Variants in PER2 observed in about 807,000 individuals in gnomAD.
The protein encoded by PER2 is period circadian regulator 2, also known as period circadian protein homolog 2.
In PER2, 66 loss-of-function variants were observed where a neutral mutation model predicts 121.0. That is an observed-to-expected ratio of 0.55 (90% confidence interval 0.45 to 0.67). The LOEUF (loss-of-function observed/expected upper bound fraction) is 0.67, where lower values mean the gene tolerates loss of function less well. PER2 is among the 30% of genes least tolerant of loss of function. The pLI, the probability that PER2 is intolerant of heterozygous loss-of-function variation, is 0.00. For missense variants in PER2, 1,521 were observed against 1,635.0 expected (o/e 0.93, Z 1.20); for synonymous variants, 684 against 659.9 (o/e 1.04, Z -0.56).
chr2:238,250,630 AC>A lies in PER2; in HGVS notation c.3387del (p.Lys1129AsnfsTer11). On this transcript the variant is annotated frameshift_variant, in exon 21 of 23. Coordinates refer to ENST00000254657, the MANE Select transcript of PER2 (RefSeq NM_022817.3). LOFTEE classifies it high-confidence loss of function. ...AGCCAGATGGGATCCTGCAGGACGC[AC>A]TTAATGAAATGCTCACTTTCTTCCA... ...TGMEESEHFI[K>X]CVLQDPIWLL... The A allele has an allele frequency of 6.2e-7, 1 of 1,613,938 alleles. No individual in the cohort carries two copies. Among genetic ancestry groups the A allele is most frequent in the Non-Finnish European group, 8.5e-7 (1 of 1,179,746 alleles).
At chr2:238,291,867 T>G (rs1696956392), upstream of PER2, among the ~76,000 whole-genome samples, 1 of 152,212 alleles carries the variant, frequency 6.6e-6, no homozygotes, top group South Asian at 2.1e-4. Context: ...TGCCTGTCCC[T>G]GGACATGAGG....
Position 238,265,532 on chromosome 2 carries a change from C to T in PER2, c.1026G>A (p.Leu342=). The change falls in exon 9 of 23, where the codon TTG becomes TTA. Residue 342 remains leucine (L), a synonymous_variant. Coordinates refer to ENST00000254657, the MANE Select transcript of PER2 (RefSeq NM_022817.3). The part of the protein sequence containing the change: ...IFTTTHTPNC[L]FQDVDERAVP... Reference sequence around the variant, plus strand: ...CGTACCTTTCATCCACATCCTGGAACAAACAATTTGGTGTATGGGTGGTTG... The same window carrying T: ...CGTACCTTTCATCCACATCCTGGAATAAACAATTTGGTGTATGGGTGGTTG... The T allele has an allele frequency of 6.2e-7, 1 of 1,611,288 alleles. No individual in the cohort carries two copies. Among genetic ancestry groups the T allele is most frequent in the Non-Finnish European group, 8.5e-7 (1 of 1,177,424 alleles).
Position 238,257,021 on chromosome 2 carries a change from G to A in PER2, c.1966C>T (p.Leu656=), listed in dbSNP as rs1159456502. The A allele has an allele frequency of 6.2e-7, 1 of 1,613,570 alleles. No individual in the cohort carries two copies. The highest frequency in any genetic ancestry group is 8.5e-7 in the Non-Finnish European group (1 of 1,179,854). ...GCCACACTCTCTGCCTTGCCCGGCA[G>A]TGCCAGCGAGGTCAGGTGCGTACCT... ...GVGTHLTSLA[L]PGKAESVASL... The change falls in exon 17 of 23, where the codon CTG becomes TTG. Residue 656 remains leucine (L), a synonymous_variant. Coordinates refer to ENST00000254657, the MANE Select transcript of PER2 (RefSeq NM_022817.3).
the PER2 span, chr2:238,295,325 CCTCTCTTT>C: frequency 4.0e-5 from 6 of 150,854 alleles, no homozygotes; most frequent in African/African-American, 1.5e-4. Context: ...TCTTCTTCTT[CCTCTCTTT>C]CTCCTCCTTC....
upstream of PER2, among the ~76,000 whole-genome samples, chr2:238,294,523 G>A (rs756136969): frequency 1.8e-4 from 28 of 152,204 alleles, no homozygotes; most frequent in Non-Finnish European, 3.8e-4. Context: ...GATGGAGCAC[G>A]TGCTTGCTGT....
intron 8 of PER2, 120 bp from the exon 9 acceptor site, chr2:238,265,710 T>A (rs1310538855): frequency 2.8e-6 from 2 of 708,030 alleles, no homozygotes; most frequent in East Asian, 2.7e-5. Flanking sequence ...AGAAAAAAAT[T>A]AAAACATGGA....
chr2:238,262,216 T>A lies in PER2; in HGVS notation c.1282A>T (p.Ile428Phe), dbSNP rs751815788. The A allele has an allele frequency of 1.9e-6, 3 of 1,613,976 alleles. No homozygotes were observed. Among genetic ancestry groups the A allele is most frequent in the African/African-American group, 1.3e-5 (1 of 75,010 alleles). The change falls in exon 11 of 23, where the codon ATC becomes TTC. Residue 428 changes from isoleucine to phenylalanine, a missense_variant. Ile to Phe is a conservative substitution (Grantham distance 21). Coordinates refer to ENST00000254657, the MANE Select transcript of PER2 (RefSeq NM_022817.3). ...INPWSRKISF[I>F]IGRHKVRVGP... ...ACCCTGACTTTGTGCCTCCCAATGA[T>A]GAAGGAGATTTTCCTGCTCCATGGG...
At position 238,261,958 on chromosome 2, in the gene PER2, C is replaced by G. The variant is rs866857726; in HGVS notation, c.1308-121G>C. 15 of 764,424 alleles carry G rather than the reference C, an allele frequency of 2.0e-5. No homozygotes were observed. In the Middle Eastern group the frequency reaches 1.8e-3, roughly 93 times the overall value. The allele number at this position is 764,424 out of a possible 1,614,324, so 47.4% of individuals were successfully genotyped here. A position where few individuals can be genotyped will look rare whatever the true frequency, so the allele number is the denominator to read the frequency against. On this transcript the variant is annotated intron_variant, in intron 11 of 22. Transcript: ENST00000254657. ...CCCTCTGCCTCTCCCCTGCAGCCCC[C>G]CAGGCTGCTGCCTGTCCACTCCCTA...
chr2:238,279,708 A>G (rs1574859794), intron 1 of PER2, among the ~76,000 whole-genome samples: 1 of 151,560 alleles, frequency 6.6e-6, no homozygotes, highest in Non-Finnish European at 1.5e-5. Context: ...CTCCCCTTCC[A>G]CCTCCTTCCC....
chr2:238,255,920 C>T lies in PER2; in HGVS notation c.2066-9G>A. Reference sequence around the variant, plus strand: ...AGCATCTTCCACCATCTCTGTAACACAAGAACCCAGGGCTCTGGTCCACAC... The same window carrying T: ...AGCATCTTCCACCATCTCTGTAACATAAGAACCCAGGGCTCTGGTCCACAC... On this transcript the variant is annotated splice_polypyrimidine_tract_variant and intron_variant, in intron 17 of 22. Coordinates refer to ENST00000254657, the MANE Select transcript of PER2 (RefSeq NM_022817.3). 2 of 1,614,190 alleles carry T rather than the reference C, an allele frequency of 1.2e-6. No homozygotes were observed. Among genetic ancestry groups the T allele is most frequent in the South Asian group, 2.2e-5 (2 of 91,084 alleles).
At chr2:238,287,507 G>T (rs1487356802) in intron 1 of PER2, among the ~76,000 whole-genome samples, 1 of 152,228 alleles carries the variant, frequency 6.6e-6, no homozygotes, top group Non-Finnish European at 1.5e-5. Context: ...TAGCCACCGT[G>T]TGGGGTTCTT....
chr2:238,251,536 T>C (rs1418298136), intron 20 of PER2, 63 bp downstream of exon 20: 9 of 1,473,376 alleles, frequency 6.1e-6, no homozygotes, highest in African/African-American at 1.4e-5. Context: ...GGCCTGTGAC[T>C]CTGGAGCAGT....
chr2:238,279,936 C>A (rs1696580518), intron 1 of PER2, among the ~76,000 whole-genome samples: 1 of 152,208 alleles, frequency 6.6e-6, no homozygotes, highest in African/African-American at 2.4e-5. Flanking sequence ...TACCCCCGGC[C>A]ATGGAAGGCC....
At chr2:238,250,812 C>T in intron 20 of PER2, 69 bp from the exon 21 acceptor site, 2 of 1,123,860 alleles carry the variant, frequency 1.8e-6, no homozygotes, top group Non-Finnish European at 2.7e-6. Flanking sequence ...TAATGTGCTT[C>T]CTCAAAGTCA....
chr2:238,290,977 G>T (rs1696941069), upstream of PER2, among the ~76,000 whole-genome samples: 1 of 152,214 alleles, frequency 6.6e-6, no homozygotes, highest in Non-Finnish European at 1.5e-5. Flanking sequence ...GTGACAGAGA[G>T]AGAGCGCAAA....
intron 17 of PER2, 42 bp from the exon 18 acceptor site, chr2:238,255,953 G>GT (rs1695748351): frequency 6.2e-7 from 1 of 1,612,288 alleles, no homozygotes; most frequent in African/African-American, 1.3e-5. Flanking sequence ...CACGTGCCCT[G>GT]TTTATTATTT....
In PER2 at chr2:238,265,330, T is replaced by C. The variant is rs1334121919; in HGVS notation, c.1046+182A>G. 2.6e-5 allele frequency among the ~76,000 whole-genome samples: 4 copies of C among 152,260 alleles called. No homozygotes were observed. In the South Asian group the frequency reaches 6.2e-4, roughly 24 times the overall value. ...TCAACAGCTCTCCAGAAAGCCTCAA[T>C]TACACCATGTGCATATCTTAGGAAG... On this transcript the variant is annotated intron_variant, in intron 9 of 22. Coordinates refer to ENST00000254657, the MANE Select transcript of PER2 (RefSeq NM_022817.3).
Position 238,260,973 on chromosome 2 carries a change from C to T in PER2, c.1417-20G>A, listed in dbSNP as rs372714687. 8.1e-6 allele frequency: 13 copies of T among 1,609,758 alleles called. No homozygotes were observed. Among genetic ancestry groups the T allele is most frequent in the African/African-American group, 5.3e-5 (4 of 75,058 alleles). ...GACGGGCTGGGGAGACAGCAGACAG[C>T]GCTACAGACACAGCCAGGGCTGCTG... is the stretch of plus-strand genomic sequence containing the variant. On this transcript the variant is annotated intron_variant, in intron 12 of 22. Coordinates refer to ENST00000254657, the MANE Select transcript of PER2 (RefSeq NM_022817.3).
intron 20 of PER2, among the ~76,000 whole-genome samples, chr2:238,251,378 A>T (rs1321500827): frequency 2.6e-5 from 4 of 152,242 alleles, no homozygotes; most frequent in Non-Finnish European, 5.9e-5. Context: ...GTAGGCACTG[A>T]AATCAGAAGC....
Sources: allele counts gnomAD v4.1 joint callset (sites outside exome capture counted in the v4.1 genomes callset), GRCh38; gene constraint gnomAD v4.1.1; transcripts MANE v1.5; gene names NCBI Gene and HGNC (gene_info 2026-07-23, HGNC 2026-07-21).